MXD1: variants seen among roughly 807,000 people sequenced by gnomAD.
MXD1 encodes the protein MAX-binding protein.
Under a neutral mutation model 25.7 loss-of-function variants are expected in MXD1, and 9 were observed. The ratio of observed to expected loss-of-function variants is 0.35; its 90% CI spans 0.21 to 0.61. The LOEUF (loss-of-function observed/expected upper bound fraction) is 0.61. MXD1 is among the 20% of genes least tolerant of loss of function. The pLI is 0.75. For synonymous variants in MXD1, 99 were observed against 113.9 expected (o/e 0.87, Z 0.83); for missense variants, 227 against 292.4 (o/e 0.78, Z 1.63).
At chr2:69,918,794 C>A (rs1029757113) in intron 2 of MXD1, among the ~76,000 whole-genome samples, 1 of 152,080 alleles carries the variant, frequency 6.6e-6, no homozygotes, top group Non-Finnish European at 1.5e-5. Context: ...CCATTGTTTT[C>A]CATAATCACA....
chr2:69,942,282 A>G lies in MXD1; in HGVS notation c.*3998A>G, dbSNP rs1677625016. On this transcript the variant is annotated 3_prime_UTR_variant, in exon 6 of 6. Transcript: ENST00000264444. Reference sequence around the variant, plus strand: ...GTGGTTTCTCATTCTACATCCTCTGATCTCTATAGACTGTAGGATGCTTTG... The same window carrying G: ...GTGGTTTCTCATTCTACATCCTCTGGTCTCTATAGACTGTAGGATGCTTTG... 6.6e-6 allele frequency: 1 copy of G among 152,170 alleles called. No homozygotes were observed. Among genetic ancestry groups the G allele is most frequent in the Admixed American group, 6.5e-5 (1 of 15,280 alleles). 9.4% of individuals were successfully genotyped at this position (152,170 alleles called of 1,614,324 possible).
Position 69,917,318 on chromosome 2 carries a change from G to A in MXD1, c.173+1098G>A, listed in dbSNP as rs1238331564. Among the ~76,000 whole-genome samples the A allele has an allele frequency of 2.0e-5, 3 of 152,318 alleles. 1 individual carries two copies. Among genetic ancestry groups the A allele is most frequent in the South Asian group, 4.1e-4 (2 of 4,826 alleles). The stretch of plus-strand genomic sequence containing the variant: ...CCTTGAATAAAAATGGCACTTGAAG[G>A]ATCAACCTGGTAATTACCTGGTAGG... On this transcript the variant is annotated intron_variant, in intron 2 of 5. Coordinates refer to ENST00000264444, the MANE Select transcript of MXD1 (RefSeq NM_002357.4).
chr2:69,942,623 C>G lies in MXD1; in HGVS notation c.*4339C>G, dbSNP rs1421285832. 1 of 152,166 alleles carries G rather than the reference C, an allele frequency of 6.6e-6. No individual in the cohort carries two copies. Among genetic ancestry groups the G allele is most frequent in the Non-Finnish European group, 1.5e-5 (1 of 68,040 alleles). 9.4% of individuals were successfully genotyped at this position (152,166 alleles called of 1,614,324 possible). A position where few individuals can be genotyped will look rare whatever the true frequency, so the allele number is the denominator to read the frequency against. On this transcript the variant is annotated 3_prime_UTR_variant, in exon 6 of 6. Coordinates refer to ENST00000264444, the MANE Select transcript of MXD1 (RefSeq NM_002357.4). ...AGCTTTTACCTGACAACCAAACTTG[C>G]CTTTACCCCATCCCTAGAATTGGTG...
intron 3 of MXD1, among the ~76,000 whole-genome samples, chr2:69,924,148 A>G (rs1677126617): frequency 6.6e-6 from 1 of 152,232 alleles, no homozygotes; most frequent in Non-Finnish European, 1.5e-5. Context: ...CCATCCCAGA[A>G]AAATGTGCAG....
chr2:69,937,444 A>C, intron 5 of MXD1, 50 bp downstream of exon 5: 1 of 1,388,630 alleles, frequency 7.2e-7, no homozygotes, highest in Non-Finnish European at 9.5e-7. Context: ...CCCCAACCCC[A>C]GAGCAGGGGT....
intron 3 of MXD1, 71 bp downstream of exon 3, chr2:69,921,836 G>A: frequency 1.9e-6 from 3 of 1,543,830 alleles, no homozygotes; most frequent in Non-Finnish European, 2.7e-6. Flanking sequence ...GTTCAAACTT[G>A]GTTGCTCTTT....
Position 69,915,379 on chromosome 2 carries a change from G to A in MXD1, c.49G>A (p.Asp17Asn). The A allele has an allele frequency of 7.8e-7, 1 of 1,286,582 alleles. No individual in the cohort carries two copies. Among genetic ancestry groups the A allele is most frequent in the Non-Finnish European group, 9.9e-7 (1 of 1,007,504 alleles). The allele number at this position is 1,286,582 out of a possible 1,614,324, so 79.7% of individuals were successfully genotyped here. The change falls in exon 1 of 6, where the codon GAC (aspartate) becomes AAC (asparagine). Residue 17 changes from aspartate (D) to asparagine (N), a missense_variant. Transcript: ENST00000264444. The surrounding 1 kb of genome is among the most constrained non-coding windows in gnomAD (Gnocchi z 5.8). ...CATCCAGATGCTGCTGGAGGCGGCC[G>A]ACTATCTGGAGCGGCGGGAGAGAGG... The part of the protein sequence containing the change: ...MNIQMLLEAA[D>N]YLERREREAE...
At chr2:69,916,090 CA>C (rs1676957277) in intron 1 of MXD1, 30 bp from the exon 2 acceptor site, 1 of 1,201,700 alleles carries the variant, frequency 8.3e-7, no homozygotes, top group African/African-American at 1.5e-5. Context: ...ATTCTGGGCC[CA>C]TTCATTAACT....
chr2:69,939,331 TATTG>T lies in MXD1; in HGVS notation c.*1051_*1054del, dbSNP rs1027064953. The T allele has an allele frequency of 5.2e-5, 8 of 152,734 alleles. No homozygotes were observed. Among genetic ancestry groups the T allele is most frequent in the East Asian group, 3.9e-4 (2 of 5,186 alleles). The allele number at this position is 152,734 out of a possible 1,614,324, so 9.5% of individuals were successfully genotyped here. ...ACACTGTTACTAGAACTCCTCTCCT[TATTG>T]ATTATTTTTGGACACACCCAGAAAC... is the stretch of plus-strand genomic sequence containing the variant. On this transcript the variant is annotated 3_prime_UTR_variant, in exon 6 of 6. Transcript: ENST00000264444.
intron 3 of MXD1, among the ~76,000 whole-genome samples, chr2:69,933,918 A>G (rs1401394558): frequency 6.6e-6 from 1 of 152,202 alleles, no homozygotes; most frequent in African/African-American, 2.4e-5. Context: ...ACTCTGCTCC[A>G]AGTAGGTTGT....
At chr2:69,936,590 A>G (rs903587620) in intron 4 of MXD1, among the ~76,000 whole-genome samples, 1 of 152,236 alleles carries the variant, frequency 6.6e-6, no homozygotes, top group African/African-American at 2.4e-5. Context: ...ATTTAAAGCA[A>G]AACAGCTACA....
Position 69,939,144 on chromosome 2 carries a change from T to TCCC in MXD1, c.*866_*868dup, listed in dbSNP as rs111484627. 6.6e-6 allele frequency: 1 copy of TCCC among 151,844 alleles called. No homozygotes were observed. The highest frequency in any genetic ancestry group is 2.4e-5 in the African/African-American group (1 of 41,188). The allele number at this position is 151,844 out of a possible 1,614,324, so 9.4% of individuals were successfully genotyped here. A position where few individuals can be genotyped will look rare whatever the true frequency, so the allele number is the denominator to read the frequency against. Reference sequence around the variant, plus strand: ...ACTTAACACAGTGATTATCCTTTTTTCCCCCCCCAAAATAGTGACATTTGG... The same window carrying TCCC: ...ACTTAACACAGTGATTATCCTTTTTTCCCCCCCCCCCAAAATAGTGACATTTGG... On this transcript the variant is annotated 3_prime_UTR_variant, in exon 6 of 6. Coordinates refer to ENST00000264444, the MANE Select transcript of MXD1 (RefSeq NM_002357.4).
At chr2:69,921,649 G>A (rs937619589) in intron 2 of MXD1, 87 bp from the exon 3 acceptor site, 1 of 1,270,806 alleles carries the variant, frequency 7.9e-7, no homozygotes, top group South Asian at 1.5e-5. Flanking sequence ...ACTTTGGAGA[G>A]AAAGAAGTTA....
chr2:69,937,122 A>C (rs1677467133), intron 4 of MXD1, 113 bp from the exon 5 acceptor site: 3 of 1,384,080 alleles, frequency 2.2e-6, no homozygotes, highest in Non-Finnish European at 3.1e-6. Context: ...AGTGGCACCG[A>C]AAGGCGTCTG....
intron 2 of MXD1, among the ~76,000 whole-genome samples, chr2:69,919,867 G>C (rs1315107019): frequency 6.6e-6 from 1 of 152,048 alleles, no homozygotes; most frequent in Non-Finnish European, 1.5e-5. Flanking sequence ...ATTGAGATGG[G>C]CTCTTGCTGT....
intron 3 of MXD1, among the ~76,000 whole-genome samples, chr2:69,926,153 T>A (rs1677165721): frequency 6.6e-6 from 1 of 152,178 alleles, no homozygotes; most frequent in Admixed American, 6.5e-5. Context: ...TATTGACACT[T>A]TTTCTATCAC....
intron 3 of MXD1, 66 bp from the exon 4 acceptor site, chr2:69,935,285 T>C (rs1434708771): frequency 7.8e-6 from 9 of 1,161,110 alleles, no homozygotes; most frequent in Non-Finnish European, 1.2e-5. Flanking sequence ...TGAGAACTCA[T>C]TCTGCCTGGG....
Position 69,941,625 on chromosome 2 carries a change from A to G in MXD1, c.*3341A>G, listed in dbSNP as rs1366183518. ...ATTTTCCTTTAACCTCTACTTTTTCAAAAGCAACAAAGGGGCCTCAACCTG... is the reference window on the plus strand; with the variant it reads ...ATTTTCCTTTAACCTCTACTTTTTCGAAAGCAACAAAGGGGCCTCAACCTG... On this transcript the variant is annotated 3_prime_UTR_variant, in exon 6 of 6. Coordinates refer to ENST00000264444, the MANE Select transcript of MXD1 (RefSeq NM_002357.4). 1 of 152,120 alleles carries G rather than the reference A, an allele frequency of 6.6e-6. No individual in the cohort carries two copies. Among genetic ancestry groups the G allele is most frequent in the Non-Finnish European group, 1.5e-5 (1 of 68,020 alleles). The allele number at this position is 152,120 out of a possible 1,614,324, so 9.4% of individuals were successfully genotyped here. A position where few individuals can be genotyped will look rare whatever the true frequency, so the allele number is the denominator to read the frequency against.
At chr2:69,916,694 C>G (rs1248473299) in intron 2 of MXD1, among the ~76,000 whole-genome samples, 1 of 152,168 alleles carries the variant, frequency 6.6e-6, no homozygotes, top group Admixed American at 6.5e-5. Context: ...AAATTAAATA[C>G]AGTGGTTTGT....
Sources: gnomAD v4.1 joint callset for allele counts (sites outside exome capture counted in the v4.1 genomes callset) on GRCh38, gnomAD v4.1.1 for gene constraint, Gnocchi (gnomAD v3.1) non-coding constraint, MANE v1.5 for transcripts, NCBI Gene and HGNC (gene_info 2026-07-23, HGNC 2026-07-21) for gene names.